Variants in FGF13 observed in about 807,000 individuals in gnomAD.
FGF13 encodes fibroblast growth factor 13, also known as fibroblast growth factor homologous factor 2.
Under a neutral mutation model 19.5 loss-of-function variants are expected in FGF13, and 2 were observed. The observed-to-expected ratio is 0.10, with a 90% CI of 0.04 to 0.32. FGF13 has a LOEUF of 0.32. Among genes scored for constraint, FGF13 ranks in the 10% least tolerant of loss-of-function variants. FGF13 has a pLI of 1.00. For missense variants in FGF13, 113 were observed against 192.7 expected (o/e 0.59, Z 2.45); for synonymous variants, 72 against 76.9 (o/e 0.94, Z 0.33).
chrX:138,676,826 T>G (rs1234073498), intron 3 of FGF13, among the ~76,000 whole-genome samples: 1 of 112,175 alleles, frequency 8.9e-6, no homozygotes, highest in African/African-American at 3.2e-5. Context: ...GGTCCTGCTG[T>G]GCAGCCAGGT....
At chrX:138,805,056 G>A (rs17001798) in intron 3 of FGF13, among the ~76,000 whole-genome samples, 1 of 111,449 alleles carries the variant, frequency 9.0e-6, no homozygotes, top group East Asian at 2.8e-4. Flanking sequence ...TTCTTGACAC[G>A]AATCAAATTG....
At chrX:138,735,507 T>C (rs890315779) in intron 1 of FGF13, among the ~76,000 whole-genome samples, 10 of 112,204 alleles carry the variant, frequency 8.9e-5, no homozygotes, top group African/African-American at 3.2e-4. Context: ...AGGAGATATG[T>C]GTATACCCTA....
At chrX:138,650,721 T>G (rs1229189844) in intron 3 of FGF13, among the ~76,000 whole-genome samples, 1 of 111,870 alleles carries the variant, frequency 8.9e-6, no homozygotes, top group Non-Finnish European at 1.9e-5. Context: ...AATTAGCATA[T>G]CCATCACCTT....
intron 3 of FGF13, among the ~76,000 whole-genome samples, chrX:138,781,532 C>T (rs774021833): frequency 0.027 from 3,008 of 109,642 alleles, 92 homozygotes; most frequent in African/African-American, 0.078. Context: ...GAGAATACTA[C>T]AAACACCTCT....
intron 3 of FGF13, among the ~76,000 whole-genome samples, chrX:138,776,258 C>T (rs1403224297): frequency 1.8e-5 from 2 of 112,282 alleles, no homozygotes; most frequent in Non-Finnish European, 3.8e-5. Flanking sequence ...TATCCTAAGC[C>T]TGCAAAGAAT....
At chrX:138,782,464 G>A (rs1481571849) in intron 3 of FGF13, among the ~76,000 whole-genome samples, 2 of 110,829 alleles carry the variant, frequency 1.8e-5, no homozygotes, top group Admixed American at 9.6e-5. Flanking sequence ...CTTCAGCAAA[G>A]TCTCAGGATA....
At chrX:138,805,221 T>C (rs1264084672) in intron 3 of FGF13, among the ~76,000 whole-genome samples, 1 of 111,734 alleles carries the variant, frequency 8.9e-6, no homozygotes, top group Non-Finnish European at 1.9e-5. Flanking sequence ...ATATGGTAAC[T>C]TGGGGAAAAT....
intron 1 of FGF13, among the ~76,000 whole-genome samples, chrX:138,934,697 G>A (rs1051059224): frequency 7.1e-5 from 8 of 112,139 alleles, no homozygotes; most frequent in African/African-American, 2.6e-4. Flanking sequence ...GCTCTAATGG[G>A]AATAAATCGT....
At chrX:138,932,703 A>ACT (rs1556302262) in intron 1 of FGF13, among the ~76,000 whole-genome samples, 1 of 90,290 alleles carries the variant, frequency 1.1e-5, no homozygotes, top group African/African-American at 4.1e-5. Flanking sequence ...TCAGGAGTGT[A>ACT]GTGTGTGTGT....
At chrX:139,194,338 T>C (rs1279889157) in intron 1 of FGF13, among the ~76,000 whole-genome samples, 1 of 112,194 alleles carries the variant, frequency 8.9e-6, no homozygotes, top group African/African-American at 3.2e-5. Context: ...CCTTGGGTGA[T>C]ATTTTCTTCT....
intron 3 of FGF13, among the ~76,000 whole-genome samples, chrX:138,671,783 G>T (rs1331726582): frequency 9.0e-6 from 1 of 110,623 alleles, no homozygotes; most frequent in Non-Finnish European, 1.9e-5. Context: ...TATTTAACAT[G>T]ACTTGATTTA....
At chrX:138,865,929 G>A (rs978437786) in intron 1 of FGF13, among the ~76,000 whole-genome samples, 1 of 111,497 alleles carries the variant, frequency 9.0e-6, no homozygotes, top group Non-Finnish European at 1.9e-5. Flanking sequence ...CCCACCCTTA[G>A]GGTCTGTACA....
At chrX:138,767,117 T>C (rs893445208) in intron 3 of FGF13, among the ~76,000 whole-genome samples, 12 of 111,538 alleles carry the variant, frequency 1.1e-4, no homozygotes, top group African/African-American at 3.9e-4. Flanking sequence ...TTTTCTGCTA[T>C]ATGATGTGAG....
rs765300060 is a variant in FGF13 at position 138,732,676 on chromosome X, G to A, written c.28+6566C>T. Among the ~76,000 whole-genome samples the A allele has an allele frequency of 2.2e-4, 24 of 111,005 alleles. No individual in the cohort carries two copies. In the South Asian group the frequency reaches 3.8e-3, roughly 17 times the overall value. The stretch of plus-strand genomic sequence containing the variant: ...CTTGAAAGAGGAATAAATTGCACGA[G>A]TATGTGTATTTTGAAAAACTGATAA... On this transcript the variant is annotated intron_variant, in intron 1 of 4. Coordinates refer to the FGF13 transcript ENST00000305414.
At chrX:138,907,535 C>G (rs2091564562) in intron 1 of FGF13, among the ~76,000 whole-genome samples, 1 of 111,254 alleles carries the variant, frequency 9.0e-6, no homozygotes, top group Non-Finnish European at 1.9e-5. Flanking sequence ...AGGAAGCATC[C>G]CATGTGGCCT....
At chrX:138,980,246 C>G (rs1341987468) in intron 1 of FGF13, among the ~76,000 whole-genome samples, 1 of 111,363 alleles carries the variant, frequency 9.0e-6, no homozygotes, top group Non-Finnish European at 1.9e-5. Flanking sequence ...CTGGGCTTCT[C>G]TAATGTTCAG....
chrX:139,070,627 G>A (rs1456570056), intron 1 of FGF13, among the ~76,000 whole-genome samples: 2 of 111,812 alleles, frequency 1.8e-5, no homozygotes, highest in Non-Finnish European at 3.8e-5. Flanking sequence ...CCCATTACTG[G>A]GTGTATACCC....
At chrX:138,651,283 C>T (rs1206886216) in intron 3 of FGF13, among the ~76,000 whole-genome samples, 1 of 112,076 alleles carries the variant, frequency 8.9e-6, no homozygotes, top group African/African-American at 3.2e-5. Flanking sequence ...TGTGCAAGCA[C>T]ATCAAATTAT....
Position 138,934,904 on chromosome X carries a change from G to GGA in FGF13, c.-112-70256_-112-70255dup, listed in dbSNP as rs200417961. Among the ~76,000 whole-genome samples the GGA allele has an allele frequency of 2.5e-3, 98 of 39,325 alleles. 1 individual carries two copies. In the East Asian group the frequency reaches 0.081, roughly 32 times the overall value. The allele number at this position is 39,325 out of a possible 115,157, so 34.1% of individuals were successfully genotyped here. ...AAAGGTCCCACATCCAGTAAGGAGA[G>GGA]GAGTTTGGAAAAAAAAAAAATACTA... On this transcript the variant is annotated intron_variant, in intron 1 of 2. Transcript: ENST00000421460.
Sources: gnomAD v4.1 joint callset for allele counts (sites outside exome capture counted in the v4.1 genomes callset) on GRCh38, gnomAD v4.1.1 for gene constraint, MANE v1.5 for transcripts, NCBI Gene and HGNC (gene_info 2026-07-23, HGNC 2026-07-21) for gene names.